The following UNC13A variants were observed in gnomAD, a reference collection of about 807,000 sequenced individuals.
UNC13A encodes the protein protein unc-13 homolog A.
UNC13A carries 61 observed loss-of-function variants against 219.7 expected under a neutral mutation model. That is an observed-to-expected ratio of 0.28 (90% CI 0.23 to 0.34). The LOEUF is 0.34. Ranked by LOEUF, UNC13A falls within the 10% of genes least tolerant of loss-of-function variation. The pLI is 1.00. For synonymous variants in UNC13A, 920 were observed against 884.6 expected, an observed-to-expected ratio of 1.04 and a Z score of -0.71; for missense variants, 1,476 against 2,270.3, an observed-to-expected ratio of 0.65 and a Z score of 7.11.
intron 41 of UNC13A, among the ~76,000 whole-genome samples, chr19:17,612,739 GT>G (rs1232759146): frequency 1.1e-4 from 16 of 152,134 alleles, no homozygotes; most frequent in African/African-American, 3.9e-4. Context: ...AGCTACTCTG[GT>G]GGCTGAGGTG....
rs901332857 is a variant in UNC13A, at chr19:17,674,163, G to T, written c.152+494C>A. Among the ~76,000 whole-genome samples the T allele has an allele frequency of 4.0e-5, 6 of 150,512 alleles. No individual in the cohort carries two copies. Among genetic ancestry groups the T allele is most frequent in the Non-Finnish European group, 7.4e-5 (5 of 67,590 alleles). ...GGAGAAGAGCCAGCTGGGGACAGGA[G>T]AGCAAGTGCAAGGGCCCTGGGGCAA... On this transcript the variant is annotated intron_variant, in intron 3 of 43. Coordinates refer to ENST00000519716, the MANE Select transcript of UNC13A (RefSeq NM_001080421.3). This position sits in a 1 kb window ranked among gnomAD's most constrained non-coding sequence, Gnocchi z 5.0.
intron 43 of UNC13A, 100 bp from the exon 44 acceptor site, chr19:17,606,454 G>C: frequency 6.9e-7 from 1 of 1,442,916 alleles, no homozygotes; most frequent in Non-Finnish European, 9.2e-7. Context: ...CCCACACCGG[G>C]GTGCCCACAC....
chr19:17,631,996 C>T (rs932891560), intron 28 of UNC13A, among the ~76,000 whole-genome samples: 7 of 152,132 alleles, frequency 4.6e-5, no homozygotes, highest in African/African-American at 9.7e-5. Flanking sequence ...CTGCAACCTC[C>T]GCCTCCTGGG....
At chr19:17,680,400 G>A (rs1054970703) in intron 1 of UNC13A, among the ~76,000 whole-genome samples, 5 of 152,194 alleles carry the variant, frequency 3.3e-5, no homozygotes, top group Non-Finnish European at 7.3e-5. Flanking sequence ...CGCGGAGGGC[G>A]TGGGAGGCGC....
At chr19:17,673,518 C>A (rs2079834529) in intron 3 of UNC13A, among the ~76,000 whole-genome samples, 2 of 150,680 alleles carry the variant, frequency 1.3e-5, no homozygotes, top group Admixed American at 1.3e-4. Flanking sequence ...CATGGTGAAA[C>A]CCGGTCTTTA....
chr19:17,608,865 G>A (rs537992414), intron 43 of UNC13A, among the ~76,000 whole-genome samples: 2 of 151,844 alleles, frequency 1.3e-5, no homozygotes, highest in Non-Finnish European at 2.9e-5. Context: ...TGGCCAGGCT[G>A]GTCTCGAACT....
chr19:17,658,469 G>T (rs375588488), intron 8 of UNC13A, among the ~76,000 whole-genome samples, 200 bp from the exon 9 acceptor site: 1 of 152,102 alleles, frequency 6.6e-6, no homozygotes, highest in East Asian at 1.9e-4. Context: ...GCTTTATGTG[G>T]GTCAAATTGG....
chr19:17,608,207 C>G (rs897635605), intron 43 of UNC13A, among the ~76,000 whole-genome samples: 1 of 143,960 alleles, frequency 6.9e-6, no homozygotes, highest in Non-Finnish European at 1.5e-5. Flanking sequence ...CCACAACACA[C>G]AGCTAATATT....
At chr19:17,608,657 A>G (rs893357959) in intron 43 of UNC13A, among the ~76,000 whole-genome samples, 7 of 150,910 alleles carry the variant, frequency 4.6e-5, no homozygotes, top group African/African-American at 1.7e-4. Flanking sequence ...AGCTGGGACT[A>G]CAGGCGCCCG....
At chr19:17,639,607 G>C (rs1169680341) in intron 23 of UNC13A, 82 bp from the exon 24 acceptor site, 17 of 1,453,342 alleles carry the variant, frequency 1.2e-5, no homozygotes, top group Non-Finnish European at 1.5e-5. Context: ...GGATACAAAG[G>C]CTCCCCGGTT....
chr19:17,601,394 A>C lies in UNC13A; in HGVS notation c.*4660T>G, dbSNP rs1277603066. On this transcript the variant is annotated 3_prime_UTR_variant, in exon 44 of 44. Transcript: ENST00000519716. ...TTAATAAAATATTTTTACAGAGACC[A>C]AAAAGTCAGAATAGTGCAAAACATC... The C allele has an allele frequency of 6.6e-6, 1 of 152,640 alleles. No homozygotes were observed. Among genetic ancestry groups the C allele is most frequent in the African/African-American group, 2.4e-5 (1 of 41,458 alleles). The allele number at this position is 152,640 out of a possible 1,614,324, so 9.5% of individuals were successfully genotyped here. A position where few individuals can be genotyped will look rare whatever the true frequency, so the allele number is the denominator to read the frequency against.
Position 17,641,416 on chromosome 19 carries a change from G to A in UNC13A, c.2613C>T (p.Val871=), listed in dbSNP as rs774466433. The A allele has an allele frequency of 9.3e-6, 15 of 1,613,964 alleles. No individual in the cohort carries two copies. Among genetic ancestry groups the A allele is most frequent in the Admixed American group, 3.3e-5 (2 of 59,996 alleles). Residue 871 remains valine (V), a synonymous_variant, in exon 21 of 44, where the codon GTC becomes GTT. Transcript: ENST00000519716. ...ACGTCATGGCTTGGTAGATGGACTC[G>A]ACGCCGTAGCGCATGGCAAACTCGT... The part of the protein sequence containing the change: ...IVDEFAMRYG[V]ESIYQAMTHF...
chr19:17,653,160 C>G (rs892485922), intron 11 of UNC13A, among the ~76,000 whole-genome samples: 1 of 152,094 alleles, frequency 6.6e-6, no homozygotes, highest in South Asian at 2.1e-4. Flanking sequence ...ACAGGCAGCA[C>G]TCTTCTGTTC....
intron 22 of UNC13A, 53 bp from the exon 23 acceptor site, chr19:17,639,961 T>C (rs1474676181): frequency 6.9e-6 from 11 of 1,585,700 alleles, no homozygotes; most frequent in Middle Eastern, 1.7e-4. Context: ...ATGGCCGCCA[T>C]AGTGGCTGAG....
intron 41 of UNC13A, among the ~76,000 whole-genome samples, chr19:17,615,582 G>A (rs1369810761): frequency 6.6e-6 from 1 of 152,052 alleles, no homozygotes; most frequent in Non-Finnish European, 1.5e-5. Context: ...AGGAGGCTGA[G>A]GCACAAGAAT....
intron 7 of UNC13A, among the ~76,000 whole-genome samples, chr19:17,666,396 G>A (rs1873909247): frequency 6.6e-6 from 1 of 151,920 alleles, no homozygotes; most frequent in African/African-American, 2.4e-5. Context: ...TGTATTTATA[G>A]TAGAGATGGG....
chr19:17,640,454 T>C (rs903526493), intron 22 of UNC13A, 57 bp downstream of exon 22: 1 of 1,514,328 alleles, frequency 6.6e-7, no homozygotes, highest in African/African-American at 1.4e-5. Flanking sequence ...ACATCAGATC[T>C]GACCGGCATA....
chr19:17,674,790 C>T lies in UNC13A; in HGVS notation c.53-34G>A. The T allele has an allele frequency of 6.4e-7, 1 of 1,561,940 alleles. No homozygotes were observed. On this transcript the variant is annotated intron_variant, in intron 2 of 43. Coordinates refer to ENST00000519716, the MANE Select transcript of UNC13A (RefSeq NM_001080421.3). This position sits in a 1 kb window ranked among gnomAD's most constrained non-coding sequence, Gnocchi z 5.0. ...GTGAGAGTAGGGGTCAGCGCTGGGG[C>T]TCAGGGACTCTCCAATGCCCCTTCC...
Position 17,639,512 on chromosome 19 carries a change from G to A in UNC13A, c.2870C>T (p.Ala957Val). ...GTCCTGGAGTCTCTCCGGGCTGCTG[G>A]CTGGGAAGTTATTCTGTTGGGAGCA... ...DLSMYRNNFPASSPERLQDLK... is the reference protein window; with the variant it reads ...DLSMYRNNFPVSSPERLQDLK... The change falls in exon 24 of 44, where the codon GCC becomes GTC. Residue 957 changes from alanine to valine, a missense_variant. By Grantham distance (64) the Ala-to-Val change is moderately conservative (BLOSUM62 0). This residue lies in a region of UNC13A where 140 missense variants were observed against 270.9 expected (regional missense o/e 0.52). Coordinates refer to ENST00000519716, the MANE Select transcript of UNC13A (RefSeq NM_001080421.3). The A allele has an allele frequency of 6.2e-7, 1 of 1,613,220 alleles. No homozygotes were observed. The highest frequency in any genetic ancestry group is 8.5e-7 in the Non-Finnish European group (1 of 1,179,810).
Sources: gnomAD v4.1 joint callset for allele counts (sites outside exome capture counted in the v4.1 genomes callset) on GRCh38, gnomAD v4.1.1 for gene constraint, gnomAD v4.1.1 regional missense constraint, Gnocchi (gnomAD v3.1) non-coding constraint, MANE v1.5 for transcripts, NCBI Gene and HGNC (gene_info 2026-07-23, HGNC 2026-07-21) for gene names.